The following FABP5 variants were observed in gnomAD, a reference collection of about 807,000 sequenced individuals.
FABP5 encodes fatty acid-binding protein 5.
A neutral mutation model predicts 16.9 loss-of-function variants in FABP5; 7 were observed. That is an observed-to-expected ratio of 0.41 (90% CI 0.24 to 0.78). The LOEUF (loss-of-function observed/expected upper bound fraction) is 0.78. Ranked by LOEUF, FABP5 falls within the 30% of genes least tolerant of loss-of-function variation. The probability of loss-of-function intolerance (pLI) is 0.30; values close to 1 mark genes in which losing one functional copy is unlikely to be tolerated. For synonymous variants in FABP5, 37 were observed against 52.8 expected (o/e 0.70, Z 1.30); for missense variants, 119 against 159.5 (o/e 0.75, Z 1.37).
chr8:81,282,406 CAGCCCTG>C (rs1474171820), intron 1 of FABP5, among the ~76,000 whole-genome samples: 3 of 152,124 alleles, frequency 2.0e-5, no homozygotes, highest in African/African-American at 7.2e-5. Flanking sequence ...CATAAGGCAC[CAGCCCTG>C]AGCTGGCAAA....
chr8:81,283,255 C>A, intron 1 of FABP5, 111 bp from the exon 2 acceptor site: 1 of 900,336 alleles, frequency 1.1e-6, no homozygotes, highest in Non-Finnish European at 1.7e-6. Flanking sequence ...TATCAATAAG[C>A]AAATAAGTGA....
At chr8:81,284,012 T>G (rs568779955) in intron 3 of FABP5, 38 bp downstream of exon 3, 5 of 1,432,006 alleles carry the variant, frequency 3.5e-6, no homozygotes, top group Non-Finnish European at 4.8e-6. Flanking sequence ...CAGCTTCTTG[T>G]GTGCATTCAT....
rs919983086 is a variant in FABP5 at position 81,281,610 on chromosome 8, G to T, written c.79+936G>T. On this transcript the variant is annotated intron_variant, in intron 1 of 3. Coordinates refer to ENST00000297258, the MANE Select transcript of FABP5 (RefSeq NM_001444.3). The surrounding 1 kb of genome is among the most constrained non-coding windows in gnomAD (Gnocchi z 4.5). ...CCTGCGGCTAACTGCATGCAAGATGGGTGTGGCCCTGCAGAAGGCAGATGA... is the reference window on the plus strand; with the variant it reads ...CCTGCGGCTAACTGCATGCAAGATGTGTGTGGCCCTGCAGAAGGCAGATGA... The T allele has an allele frequency of 1.0e-6, 1 of 985,448 alleles. No individual in the cohort carries two copies. Among genetic ancestry groups the T allele is most frequent in the East Asian group, 1.1e-4 (1 of 8,818 alleles). 61.0% of individuals were successfully genotyped at this position (985,448 alleles called of 1,614,324 possible).
chr8:81,281,469 C>A lies in FABP5; in HGVS notation c.79+795C>A, dbSNP rs185982868. On this transcript the variant is annotated intron_variant, in intron 1 of 3. Transcript: ENST00000297258. The surrounding 1 kb of genome is among the most constrained non-coding windows in gnomAD (Gnocchi z 4.5). The stretch of plus-strand genomic sequence containing the variant: ...GTGGGCGGGTGGCCTGTGGGAGGAG[C>A]GCAATGAGGCCTGGGGGTGGCCGTG... 706 of 985,558 alleles carry A rather than the reference C, an allele frequency of 7.2e-4. 4 individuals are homozygous for A. The African/African-American group carries it at 0.012, about 16-fold the overall frequency. 61.1% of individuals were successfully genotyped at this position (985,558 alleles called of 1,614,324 possible). A position where few individuals can be genotyped will look rare whatever the true frequency, so the allele number is the denominator to read the frequency against.
rs1292989518 is a variant in FABP5 at position 81,280,845 on chromosome 8, C to T, written c.79+171C>T. 6 of 604,330 alleles carry T rather than the reference C, an allele frequency of 9.9e-6. No individual in the cohort carries two copies. In the Admixed American group the frequency reaches 1.7e-4, roughly 17 times the overall value. The allele number at this position is 604,330 out of a possible 1,614,324, so 37.4% of individuals were successfully genotyped here. A position where few individuals can be genotyped will look rare whatever the true frequency, so the allele number is the denominator to read the frequency against. On this transcript the variant is annotated intron_variant, in intron 1 of 3. Coordinates refer to ENST00000297258, the MANE Select transcript of FABP5 (RefSeq NM_001444.3). The stretch of plus-strand genomic sequence containing the variant: ...GTTGGGTGCAGCGCGCGCAGCACCA[C>T]GCGGGCAGGCGGCGAGGAGCAGGGA...
chr8:81,280,835 C>A, intron 1 of FABP5, 161 bp downstream of exon 1: 1 of 629,710 alleles, frequency 1.6e-6, no homozygotes, highest in Non-Finnish European at 2.8e-6. Context: ...GTGCAGCGCG[C>A]GCAGCACCAC....
rs1260526126 is a variant in FABP5, at chr8:81,283,858, A to G, written c.253-15A>G. ...ATGTACTTGGAAGATTAAAACGTTT[A>G]CTTTGTTTTTGCAGACTGTCTGCAA... On this transcript the variant is annotated splice_polypyrimidine_tract_variant and intron_variant, in intron 2 of 3. Transcript: ENST00000297258. 3.8e-6 allele frequency: 6 copies of G among 1,599,882 alleles called. No homozygotes were observed. In the South Asian group the frequency reaches 5.6e-5, roughly 15 times the overall value.
chr8:81,282,166 C>CTG lies in FABP5; in HGVS notation c.80-1200_80-1199insTG, dbSNP rs1563479902. Among the ~76,000 whole-genome samples, 15 of 77,454 alleles carry CTG rather than the reference C, an allele frequency of 1.9e-4. No individual in the cohort carries two copies. The Admixed American group carries it at 2.0e-3, about 10-fold the overall frequency. The allele number at this position is 77,454 out of a possible 152,430, so 50.8% of individuals were successfully genotyped here. The stretch of plus-strand genomic sequence containing the variant: ...TTTACTGCACCTGTCCAATAAATAA[C>CTG]AGTGTGTGTGTGTGTGTGTGTGTGT... On this transcript the variant is annotated intron_variant, in intron 1 of 3. Coordinates refer to ENST00000297258, the MANE Select transcript of FABP5 (RefSeq NM_001444.3).
chr8:81,282,099 T>C (rs553451870), intron 1 of FABP5, among the ~76,000 whole-genome samples: 2 of 152,298 alleles, frequency 1.3e-5, no homozygotes, highest in South Asian at 4.1e-4. Flanking sequence ...TATTTTTCTT[T>C]TTCCTTGTAA....
intron 1 of FABP5, among the ~76,000 whole-genome samples, chr8:81,282,440 G>A (rs948700991): frequency 2.0e-5 from 3 of 152,108 alleles, no homozygotes; most frequent in Non-Finnish European, 4.4e-5. Flanking sequence ...GGCTCCAAGG[G>A]GAACTTTAAA....
chr8:81,283,744 A>C, intron 2 of FABP5, 129 bp from the exon 3 acceptor site: 2 of 945,140 alleles, frequency 2.1e-6, no homozygotes, highest in Non-Finnish European at 3.1e-6. Flanking sequence ...TTGTGAATAA[A>C]ATCAATATGG....
rs1807882903 is a variant in FABP5, at chr8:81,284,573, C to G, written c.*6C>G. 1 of 1,530,814 alleles carries G rather than the reference C, an allele frequency of 6.5e-7. No homozygotes were observed. The highest frequency in any genetic ancestry group is 9.0e-7 in the Non-Finnish European group (1 of 1,111,026). 94.8% of individuals were successfully genotyped at this position (1,530,814 alleles called of 1,614,324 possible). ...TCTATGAAAAAGTAGAATAAAAATTCCATCATCACTTTGGACAGGAGTTAA... is the reference window on the plus strand; with the variant it reads ...TCTATGAAAAAGTAGAATAAAAATTGCATCATCACTTTGGACAGGAGTTAA... On this transcript the variant is annotated 3_prime_UTR_variant, in exon 4 of 4. Coordinates refer to ENST00000297258, the MANE Select transcript of FABP5 (RefSeq NM_001444.3).
Position 81,283,975 on chromosome 8 carries a change from G to GT in FABP5, c.354+2dup, listed in dbSNP as rs745619610. 2.5e-6 allele frequency: 4 copies of GT among 1,600,388 alleles called. No homozygotes were observed. Among genetic ancestry groups the GT allele is most frequent in the East Asian group, 2.3e-5 (1 of 44,422 alleles). Reference sequence around the variant, plus strand: ...ATTGAAAGATGGGAAATTAGTGGTGGTAAGTGTCAAACTGCTGTGTCTCAG... The same window carrying GT: ...ATTGAAAGATGGGAAATTAGTGGTGGTTAAGTGTCAAACTGCTGTGTCTCAG... On this transcript the variant is annotated splice_donor_variant, in intron 3 of 3. Transcript: ENST00000297258. LOFTEE classifies it high-confidence loss of function.
chr8:81,280,809 A>C, intron 1 of FABP5, 135 bp downstream of exon 1: 7 of 748,966 alleles, frequency 9.3e-6, no homozygotes, highest in Non-Finnish European at 1.1e-5. Flanking sequence ...CATCTTCCCC[A>C]CCACGCGGCC....
chr8:81,281,866 A>C lies in FABP5; in HGVS notation c.79+1192A>C, dbSNP rs1807837315. ...CTCTGGAAGGGAGCTTCCAGCCCTAAGGGATGGCTGGGATTTATGAGGGTG... is the reference window on the plus strand; with the variant it reads ...CTCTGGAAGGGAGCTTCCAGCCCTACGGGATGGCTGGGATTTATGAGGGTG... On this transcript the variant is annotated intron_variant, in intron 1 of 3. Transcript: ENST00000297258. This position sits in a 1 kb window ranked among gnomAD's most constrained non-coding sequence, Gnocchi z 4.5. 6.6e-6 allele frequency among the ~76,000 whole-genome samples: 1 copy of C among 152,150 alleles called. No homozygotes were observed. The highest frequency in any genetic ancestry group is 1.5e-5 in the Non-Finnish European group (1 of 68,038).
chr8:81,283,781 A>G, intron 2 of FABP5, 92 bp from the exon 3 acceptor site: 1 of 1,085,110 alleles, frequency 9.2e-7, no homozygotes. Context: ...CAGAAAGGAG[A>G]AGGTGAAACA....
Position 81,281,468 on chromosome 8 carries a change from G to C in FABP5, c.79+794G>C. 1.0e-6 allele frequency: 1 copy of C among 985,658 alleles called. No individual in the cohort carries two copies. The highest frequency in any genetic ancestry group is 1.2e-6 in the Non-Finnish European group (1 of 830,148). 61.1% of individuals were successfully genotyped at this position (985,658 alleles called of 1,614,324 possible). A position where few individuals can be genotyped will look rare whatever the true frequency, so the allele number is the denominator to read the frequency against. ...AGTGGGCGGGTGGCCTGTGGGAGGA[G>C]CGCAATGAGGCCTGGGGGTGGCCGT... On this transcript the variant is annotated intron_variant, in intron 1 of 3. Transcript: ENST00000297258. The surrounding 1 kb of genome is among the most constrained non-coding windows in gnomAD (Gnocchi z 4.5).
In FABP5 at chr8:81,283,424, T is replaced by C. The variant is rs1462884553; in HGVS notation, c.138T>C (p.Thr46=). 6.2e-7 allele frequency: 1 copy of C among 1,610,458 alleles called. No homozygotes were observed. The highest frequency in any genetic ancestry group is 1.3e-5 in the African/African-American group (1 of 74,826). ...GAMAKPDCII[T]CDGKNLTIKT... ...TGGCCAAGCCAGATTGTATCATCAC[T>C]TGTGATGGTAAAAACCTCACCATAA... The change falls in exon 2 of 4, where the codon ACT becomes ACC. Residue 46 remains threonine (T), a synonymous_variant. Coordinates refer to ENST00000297258, the MANE Select transcript of FABP5 (RefSeq NM_001444.3).
chr8:81,284,554 A>C lies in FABP5; in HGVS notation c.395A>C (p.Glu132Ala). 6.3e-7 allele frequency: 1 copy of C among 1,593,124 alleles called. No homozygotes were observed. The highest frequency in any genetic ancestry group is 8.6e-7 in the Non-Finnish European group (1 of 1,164,632). ...MNNVTCTRIY[E>A]KVE ...AATGTCACCTGTACTCGGATCTATG[A>C]AAAAGTAGAATAAAAATTCCATCAT... The change falls in exon 4 of 4, where the codon GAA becomes GCA. Residue 132 changes from glutamate to alanine, a missense_variant. Physicochemically the swap from Glu to Ala is moderately radical, Grantham distance 107. Coordinates refer to ENST00000297258, the MANE Select transcript of FABP5 (RefSeq NM_001444.3).
Sources: allele counts gnomAD v4.1 joint callset (sites outside exome capture counted in the v4.1 genomes callset), GRCh38; gene constraint gnomAD v4.1.1; non-coding constraint Gnocchi (gnomAD v3.1); transcripts MANE v1.5; gene names NCBI Gene and HGNC (gene_info 2026-07-23, HGNC 2026-07-21).